The following SNTG1 variants were observed in gnomAD, a reference collection of about 807,000 sequenced individuals.
SNTG1 encodes syntrophin gamma 1.
SNTG1 carries 39 observed loss-of-function variants against 74.7 expected under a neutral mutation model. That is an observed-to-expected ratio of 0.52 (90% CI 0.40 to 0.68). The LOEUF is 0.68. SNTG1 is among the 30% of genes least tolerant of loss of function. The pLI, the probability that SNTG1 is intolerant of heterozygous loss-of-function variation, is 0.00. For missense variants in SNTG1, 685 were observed against 609.5 expected (o/e 1.12, Z -1.30); for synonymous variants, 254 against 217.1 (o/e 1.17, Z -1.49).
intron 2 of SNTG1, among the ~76,000 whole-genome samples, chr8:50,329,890 C>G (rs528853571): frequency 1.3e-5 from 2 of 152,178 alleles, no homozygotes; most frequent in East Asian, 3.9e-4. Context: ...ACATAAGTTC[C>G]AATTTCAGAT....
At chr8:50,388,999 A>T (rs759406277) in intron 2 of SNTG1, among the ~76,000 whole-genome samples, 8 of 152,098 alleles carry the variant, frequency 5.3e-5, no homozygotes, top group Non-Finnish European at 1.0e-4. Flanking sequence ...TGTGGGTCAT[A>T]TAAGAAGTTT....
intron 4 of SNTG1, among the ~76,000 whole-genome samples, chr8:50,408,914 A>T (rs1225275197): frequency 1.3e-5 from 2 of 152,222 alleles, no homozygotes; most frequent in Non-Finnish European, 2.9e-5. Flanking sequence ...GCTTTGCTTC[A>T]CAAAATCTCT....
intron 11 of SNTG1, among the ~76,000 whole-genome samples, chr8:50,545,604 TAA>T (rs1554569684): frequency 1.3e-5 from 2 of 151,418 alleles, no homozygotes. Flanking sequence ...TGAATTTTAA[TAA>T]AAAAATTCAT....
intron 1 of SNTG1, among the ~76,000 whole-genome samples, chr8:49,998,023 A>C (rs957301958): frequency 3.3e-5 from 5 of 152,174 alleles, no homozygotes; most frequent in African/African-American, 1.2e-4. Flanking sequence ...CCTACTGTAC[A>C]CCTGGTCTAT....
At chr8:50,216,405 C>T (rs2084794682) in intron 2 of SNTG1, among the ~76,000 whole-genome samples, 1 of 152,048 alleles carries the variant, frequency 6.6e-6, no homozygotes, top group Non-Finnish European at 1.5e-5. Flanking sequence ...AAAGAAGTGT[C>T]CCACTTATTT....
intron 13 of SNTG1, among the ~76,000 whole-genome samples, chr8:50,594,418 G>A (rs2094713240): frequency 6.6e-6 from 1 of 151,844 alleles, no homozygotes; most frequent in Non-Finnish European, 1.5e-5. Context: ...AATATAGTGA[G>A]CTTTATATTA....
At chr8:50,449,136 T>TCA (rs2131616384) in intron 5 of SNTG1, among the ~76,000 whole-genome samples, 1 of 152,372 alleles carries the variant, frequency 6.6e-6, no homozygotes, top group South Asian at 2.1e-4. Flanking sequence ...GTATGTGCTT[T>TCA]CACACAAGGA....
intron 15 of SNTG1, among the ~76,000 whole-genome samples, chr8:50,690,185 T>C (rs1300009357): frequency 6.6e-6 from 1 of 152,138 alleles, no homozygotes; most frequent in Admixed American, 6.6e-5. Flanking sequence ...TTTGTTGATC[T>C]TTTCAAAAAA....
At chr8:50,608,795 T>G (rs2094830622) in intron 13 of SNTG1, among the ~76,000 whole-genome samples, 2 of 152,000 alleles carry the variant, frequency 1.3e-5, no homozygotes, top group South Asian at 4.1e-4. Context: ...TTCTTTTTAC[T>G]GCCTAAGTTA....
chr8:50,669,356 GA>G (rs772471882), intron 15 of SNTG1, among the ~76,000 whole-genome samples: 7 of 151,890 alleles, frequency 4.6e-5, no homozygotes, highest in Admixed American at 6.6e-5. Context: ...TGATAAAGGG[GA>G]TATCACCACT....
intron 15 of SNTG1, among the ~76,000 whole-genome samples, chr8:50,692,296 C>T (rs1325436233): frequency 6.6e-6 from 1 of 152,204 alleles, no homozygotes; most frequent in Non-Finnish European, 1.5e-5. Flanking sequence ...TGGTGAGGAG[C>T]TGCATTCCTT....
intron 1 of SNTG1, among the ~76,000 whole-genome samples, chr8:49,947,508 C>T (rs1371197199): frequency 1.3e-5 from 2 of 152,182 alleles, no homozygotes; most frequent in African/African-American, 4.8e-5. Flanking sequence ...CACACGTACA[C>T]AGTATAAATG....
intron 1 of SNTG1, among the ~76,000 whole-genome samples, chr8:50,021,437 C>T (rs1816803537): frequency 6.6e-6 from 1 of 152,090 alleles, no homozygotes; most frequent in Non-Finnish European, 1.5e-5. Context: ...GGCTCATTTC[C>T]TCAAATCCTT....
chr8:50,266,680 G>GTATATATA lies in SNTG1; in HGVS notation c.-28+94046_-28+94047insATATATAT, dbSNP rs1247350057. ...TGTGTGTGTGTGTGTGTGTGTGTGT[G>GTATATATA]TGTGTATATATATATATATGAATGA... On this transcript the variant is annotated intron_variant, in intron 2 of 18. Transcript: ENST00000642720. Among the ~76,000 whole-genome samples the GTATATATA allele has an allele frequency of 1.2e-3, 169 of 136,780 alleles. 1 individual carries two copies. The highest frequency in any genetic ancestry group is 3.8e-3 in the Middle Eastern group (1 of 262). The allele number at this position is 136,780 out of a possible 152,430, so 89.7% of individuals were successfully genotyped here.
intron 2 of SNTG1, among the ~76,000 whole-genome samples, chr8:50,357,897 A>T (rs2091861450): frequency 1.3e-5 from 2 of 152,214 alleles, no homozygotes; most frequent in African/African-American, 4.8e-5. Context: ...TCTTGTCAAT[A>T]ATCCAGATGA....
At chr8:49,920,632 G>A (rs762416452) in intron 1 of SNTG1, among the ~76,000 whole-genome samples, 5 of 152,142 alleles carry the variant, frequency 3.3e-5, no homozygotes, top group South Asian at 2.1e-4. Context: ...AACTGGAGGC[G>A]TTTAGATTCT....
chr8:50,150,570 T>G (rs201070615), intron 1 of SNTG1, among the ~76,000 whole-genome samples: 1 of 152,130 alleles, frequency 6.6e-6, no homozygotes, highest in Non-Finnish European at 1.5e-5. Context: ...TACGTCCCAT[T>G]AATACCTAAT....
chr8:50,130,608 TAA>T (rs1377508710), intron 1 of SNTG1, among the ~76,000 whole-genome samples: 2 of 144,496 alleles, frequency 1.4e-5, no homozygotes, highest in Non-Finnish European at 3.1e-5. Context: ...CTTTTACTTA[TAA>T]AAATTAGAAA....
At chr8:50,135,234 A>G (rs1246770542) in intron 1 of SNTG1, among the ~76,000 whole-genome samples, 1 of 152,214 alleles carries the variant, frequency 6.6e-6, no homozygotes, top group Non-Finnish European at 1.5e-5. Flanking sequence ...TTCTGAATGA[A>G]GTTCGGCTTT....
Sources: gnomAD v4.1 joint callset for allele counts (sites outside exome capture counted in the v4.1 genomes callset) on GRCh38, gnomAD v4.1.1 for gene constraint, MANE v1.5 for transcripts, NCBI Gene and HGNC (gene_info 2026-07-23, HGNC 2026-07-21) for gene names.